Variants in ASCC3 observed in about 807,000 individuals in gnomAD.
The protein encoded by ASCC3 is ASC-1 complex subunit P200.
Under a neutral mutation model 256.3 loss-of-function variants are expected in ASCC3, and 158 were observed. The ratio of observed to expected loss-of-function variants is 0.62; its 90% confidence interval spans 0.54 to 0.70. The LOEUF (loss-of-function observed/expected upper bound fraction) is 0.70. ASCC3 is among the 30% of genes least tolerant of loss of function. ASCC3 has a pLI of 0.00. For synonymous variants in ASCC3, 948 were observed against 883.4 expected (o/e 1.07, Z -1.30); for missense variants, 2,259 against 2,626.0 (o/e 0.86, Z 3.05).
At chr6:100,696,843 A>G (rs919149847) in intron 13 of ASCC3, among the ~76,000 whole-genome samples, 1 of 152,116 alleles carries the variant, frequency 6.6e-6, no homozygotes, top group Non-Finnish European at 1.5e-5. Context: ...ATATTTTAAA[A>G]TAGGTTCAAA....
At chr6:100,752,987 T>C (rs1781005959) in intron 10 of ASCC3, among the ~76,000 whole-genome samples, 1 of 152,258 alleles carries the variant, frequency 6.6e-6, no homozygotes, top group East Asian at 1.9e-4. Context: ...GCAGAGATAA[T>C]TCTGAAGTAA....
chr6:100,527,632 T>A (rs1008302618), intron 37 of ASCC3, among the ~76,000 whole-genome samples: 1 of 152,192 alleles, frequency 6.6e-6, no homozygotes, highest in Non-Finnish European at 1.5e-5. Flanking sequence ...CATAAAATAT[T>A]CCTATGCTTT....
At chr6:100,580,326 A>G (rs1008736508) in intron 36 of ASCC3, among the ~76,000 whole-genome samples, 2 of 152,096 alleles carry the variant, frequency 1.3e-5, no homozygotes, top group Admixed American at 6.6e-5. Flanking sequence ...TATTCTCTAA[A>G]GGAAGAAAAG....
intron 34 of ASCC3, among the ~76,000 whole-genome samples, chr6:100,591,907 A>T (rs1028980029): frequency 1.3e-5 from 2 of 151,948 alleles, no homozygotes; most frequent in African/African-American, 4.8e-5. Flanking sequence ...TATCAATGAA[A>T]AAAAACTTTC....
chr6:100,602,035 TA>T, intron 33 of ASCC3, 100 bp from the exon 34 acceptor site: 1 of 1,322,100 alleles, frequency 7.6e-7, no homozygotes, highest in Non-Finnish European at 1.0e-6. Context: ...TGTTCTAAGA[TA>T]AAAACAAATT....
At chr6:100,718,400 A>G (rs1779180800) in intron 11 of ASCC3, 149 bp from the exon 12 acceptor site, 2 of 609,006 alleles carry the variant, frequency 3.3e-6, no homozygotes, top group African/African-American at 3.7e-5. Flanking sequence ...CAGACATTGT[A>G]GCCCATAATT....
chr6:100,690,022 T>A (rs1279989850), intron 13 of ASCC3, among the ~76,000 whole-genome samples: 1 of 152,086 alleles, frequency 6.6e-6, no homozygotes, highest in East Asian at 1.9e-4. Flanking sequence ...GCTACCTACA[T>A]TAAAAATTAA....
chr6:100,652,849 A>G lies in ASCC3; in HGVS notation c.2864T>C (p.Ile955Thr), dbSNP rs1775734815. 6.2e-7 allele frequency: 1 copy of G among 1,613,952 alleles called. No homozygotes were observed. The highest frequency in any genetic ancestry group is 8.5e-7 in the Non-Finnish European group (1 of 1,179,914). Reference protein sequence around the residue: ...TLRKHREQLVIEVGRKLDKAQ... With the variant: ...TLRKHREQLVTEVGRKLDKAQ... Reference sequence around the variant, plus strand: ...TTTGTCTAGTTTTCGTCCAACTTCAATGACCAACTGTTCTCGATGCTTTCT... The same window carrying G: ...TTTGTCTAGTTTTCGTCCAACTTCAGTGACCAACTGTTCTCGATGCTTTCT... The change falls in exon 18 of 42, where the codon ATT becomes ACT. Residue 955 changes from isoleucine (I) to threonine (T), a missense_variant. By Grantham distance (89) the Ile-to-Thr change is moderately conservative (BLOSUM62 -1). This residue lies in a region of ASCC3 where 1,839 missense variants were observed against 2,206.7 expected (regional missense o/e 0.83). Transcript: ENST00000369162.
intron 10 of ASCC3, among the ~76,000 whole-genome samples, chr6:100,755,933 A>G (rs546768597): frequency 6.6e-6 from 1 of 152,232 alleles, no homozygotes; most frequent in Admixed American, 6.5e-5. Context: ...TTTTGTAAAA[A>G]AATAGTAAAC....
At chr6:100,585,510 T>G (rs1305769797) in intron 36 of ASCC3, among the ~76,000 whole-genome samples, 1 of 152,208 alleles carries the variant, frequency 6.6e-6, no homozygotes. Flanking sequence ...TTCAGTTTCT[T>G]TGCCTTTGGT....
intron 13 of ASCC3, among the ~76,000 whole-genome samples, chr6:100,704,773 T>C (rs1251277609): frequency 2.6e-5 from 4 of 152,010 alleles, no homozygotes; most frequent in African/African-American, 9.7e-5. Context: ...AGGCCTTTTA[T>C]TCCTTAAAAC....
At chr6:100,802,558 A>AT (rs1769970917) in intron 5 of ASCC3, among the ~76,000 whole-genome samples, 1 of 152,154 alleles carries the variant, frequency 6.6e-6, no homozygotes, top group East Asian at 1.9e-4. Context: ...ACTGATACAA[A>AT]AAGCTTATTG....
At chr6:100,525,534 A>G (rs73500925) in intron 37 of ASCC3, among the ~76,000 whole-genome samples, 1,935 of 152,208 alleles carry the variant, frequency 0.013, 44 homozygotes, top group African/African-American at 0.045. Flanking sequence ...CACACATTGT[A>G]TACCTGTATC....
At chr6:100,603,893 C>G (rs575709028) in intron 33 of ASCC3, among the ~76,000 whole-genome samples, 2 of 151,928 alleles carry the variant, frequency 1.3e-5, no homozygotes, top group South Asian at 2.1e-4. Context: ...GTTATATTCC[C>G]TTCTCGTAAA....
chr6:100,625,515 G>A (rs568794727), intron 29 of ASCC3, among the ~76,000 whole-genome samples, 181 bp from the exon 30 acceptor site: 2 of 152,050 alleles, frequency 1.3e-5, no homozygotes, highest in African/African-American at 2.4e-5. Flanking sequence ...GGAAAAGAAA[G>A]GTTGATGGCC....
intron 10 of ASCC3, among the ~76,000 whole-genome samples, chr6:100,741,610 C>T (rs918362157): frequency 1.3e-4 from 20 of 152,184 alleles, no homozygotes; most frequent in African/African-American, 4.6e-4. Flanking sequence ...TTCTTCTCTG[C>T]CTGTCTTATT....
At chr6:100,697,900 T>C (rs1190818808) in intron 13 of ASCC3, among the ~76,000 whole-genome samples, 1 of 152,170 alleles carries the variant, frequency 6.6e-6, no homozygotes, top group East Asian at 1.9e-4. Context: ...GGAATAGGTC[T>C]ATGGCATGCA....
chr6:100,512,665 G>T lies in ASCC3; in HGVS notation c.6285+44C>A, dbSNP rs551757971. 1.2e-5 allele frequency: 19 copies of T among 1,571,102 alleles called. 1 individual carries two copies. In the South Asian group the frequency reaches 2.1e-4, roughly 17 times the overall value. ...CAGATATGTGTGGTGGTGCATGCTG[G>T]TATTTGGTGTGAAATATTTGAGAAT... On this transcript the variant is annotated intron_variant, in intron 40 of 41. Transcript: ENST00000369162.
intron 10 of ASCC3, among the ~76,000 whole-genome samples, chr6:100,733,884 C>T (rs1780022232): frequency 6.6e-6 from 1 of 152,142 alleles, no homozygotes. Flanking sequence ...CTAAAACATA[C>T]ATTGCTTACT....
Sources: gnomAD v4.1 joint callset for allele counts (sites outside exome capture counted in the v4.1 genomes callset) on GRCh38, gnomAD v4.1.1 for gene constraint, gnomAD v4.1.1 regional missense constraint, MANE v1.5 for transcripts, NCBI Gene and HGNC (gene_info 2026-07-23, HGNC 2026-07-21) for gene names.